The following FAM124A variants were observed in gnomAD, a reference collection of about 807,000 sequenced individuals.
The protein encoded by FAM124A is protein FAM124A.
A neutral mutation model predicts 24.5 loss-of-function variants in FAM124A; 23 were observed. That is an observed-to-expected ratio of 0.94 (90% CI 0.68 to 1.33). The LOEUF (loss-of-function observed/expected upper bound fraction) is 1.33, where lower values mean the gene tolerates loss of function less well. Among genes scored for constraint, FAM124A ranks in the 40% most tolerant of loss-of-function variants. FAM124A has a pLI of 0.00. For synonymous variants in FAM124A, 287 were observed against 314.7 expected (o/e 0.91, Z 0.93); for missense variants, 623 against 722.8 (o/e 0.86, Z 1.58).
chr13:51,264,045 G>C (rs959356820), intron 3 of FAM124A, among the ~76,000 whole-genome samples: 6 of 152,146 alleles, frequency 3.9e-5, no homozygotes, highest in Non-Finnish European at 8.8e-5. Flanking sequence ...ACTTTTTGAA[G>C]GTGCATAAAT....
intron 3 of FAM124A, among the ~76,000 whole-genome samples, chr13:51,256,155 T>A (rs911640159): frequency 6.6e-6 from 1 of 152,140 alleles, no homozygotes; most frequent in Non-Finnish European, 1.5e-5. Flanking sequence ...AGAAGTGACT[T>A]GGGGTCCCCT....
chr13:51,231,363 C>A lies in FAM124A; in HGVS notation c.84C>A (p.His28Gln), dbSNP rs200143031. 6.8e-6 allele frequency: 11 copies of A among 1,613,882 alleles called. No individual in the cohort carries two copies. Among genetic ancestry groups the A allele is most frequent in the Non-Finnish European group, 9.3e-6 (11 of 1,179,944 alleles). The change falls in exon 2 of 4, where the codon CAC becomes CAA. Residue 28 changes from histidine (H) to glutamine (Q), a missense_variant. Transcript: ENST00000322475. ...TGTGTTTCAGGTCCGACTACAGCCA[C>A]CTGTCCTCCACGAGCAGTAAGTATC... ...GAETGGSDYSHLSSTSSELSV... is the reference protein window; with the variant it reads ...GAETGGSDYSQLSSTSSELSV...
At chr13:51,279,385 G>T (rs573815675) in intron 3 of FAM124A, among the ~76,000 whole-genome samples, 70 of 152,310 alleles carry the variant, frequency 4.6e-4, no homozygotes, top group African/African-American at 1.6e-3. Flanking sequence ...GAGAGCCCTT[G>T]TAGTAAACCC....
At chr13:51,224,342 A>G (rs962231259) in intron 1 of FAM124A, among the ~76,000 whole-genome samples, 2 of 152,184 alleles carry the variant, frequency 1.3e-5, no homozygotes, top group Non-Finnish European at 2.9e-5. Flanking sequence ...GTGGTGGCGC[A>G]TGCCTGTAAT....
intron 3 of FAM124A, among the ~76,000 whole-genome samples, chr13:51,276,169 A>G (rs780910560): frequency 1.2e-4 from 18 of 152,178 alleles, no homozygotes; most frequent in Non-Finnish European, 2.2e-4. Context: ...GAGCTTGTTC[A>G]GGTTTGACTT....
intron 2 of FAM124A, among the ~76,000 whole-genome samples, chr13:51,234,643 C>T (rs1235097786): frequency 6.6e-6 from 1 of 152,070 alleles, no homozygotes; most frequent in Non-Finnish European, 1.5e-5. Flanking sequence ...CCAAGAAACT[C>T]CTCTACAAAG....
At chr13:51,279,913 T>A (rs999944835) in intron 3 of FAM124A, among the ~76,000 whole-genome samples, 1 of 152,190 alleles carries the variant, frequency 6.6e-6, no homozygotes, top group Non-Finnish European at 1.5e-5. Context: ...ACCCTAAGAC[T>A]GTGTCCTGGC....
intron 3 of FAM124A, among the ~76,000 whole-genome samples, chr13:51,271,443 A>G (rs749597902): frequency 2.0e-5 from 3 of 152,206 alleles, no homozygotes; most frequent in Non-Finnish European, 4.4e-5. Flanking sequence ...ATAAAAATAG[A>G]TGAGGGCCCC....
chr13:51,243,682 C>T (rs1234527104), intron 2 of FAM124A, among the ~76,000 whole-genome samples: 4 of 152,176 alleles, frequency 2.6e-5, no homozygotes, highest in African/African-American at 4.8e-5. Flanking sequence ...TACAGGCGCC[C>T]GCCACCACAC....
intron 2 of FAM124A, among the ~76,000 whole-genome samples, chr13:51,245,951 A>T (rs942319797): frequency 1.3e-5 from 2 of 152,248 alleles, no homozygotes; most frequent in Admixed American, 6.5e-5. Flanking sequence ...GCCCAGGCTA[A>T]TAGTACACTT....
chr13:51,241,076 G>A (rs1299858346), intron 2 of FAM124A, among the ~76,000 whole-genome samples: 1 of 152,204 alleles, frequency 6.6e-6, no homozygotes, highest in Non-Finnish European at 1.5e-5. Flanking sequence ...AGCCTTTTCT[G>A]TCTCCAAAAG....
At chr13:51,255,890 A>G (rs139683128) in intron 3 of FAM124A, among the ~76,000 whole-genome samples, 1 of 152,356 alleles carries the variant, frequency 6.6e-6, no homozygotes, top group African/African-American at 2.4e-5. Context: ...TGTTTCTCTC[A>G]GCCAGGCTTT....
intron 1 of FAM124A, among the ~76,000 whole-genome samples, chr13:51,223,514 G>T (rs533057820): frequency 6.6e-6 from 1 of 152,244 alleles, no homozygotes; most frequent in East Asian, 1.9e-4. Context: ...GAAGGTCGGA[G>T]AGGTTTTAGA....
chr13:51,261,695 G>A (rs966342775), intron 3 of FAM124A, among the ~76,000 whole-genome samples: 2 of 152,204 alleles, frequency 1.3e-5, no homozygotes, highest in African/African-American at 4.8e-5. Context: ...GGTCCGTTCA[G>A]GGTTCCGTTT....
At position 51,253,990 on chromosome 13, in the gene FAM124A, T is replaced by G. The variant is rs1954651928; in HGVS notation, c.834+1789T>G. 2.0e-5 allele frequency among the ~76,000 whole-genome samples: 3 copies of G among 152,220 alleles called. 1 individual carries two copies. The highest frequency in any genetic ancestry group is 2.0e-4 in the Admixed American group (3 of 15,286). The stretch of plus-strand genomic sequence containing the variant: ...AATGTCAAGCAGGTTCCTGTTCAGC[T>G]GCATCAGTGCAGATAGCTAGCATGA... On this transcript the variant is annotated intron_variant, in intron 3 of 3. Coordinates refer to ENST00000322475, the MANE Select transcript of FAM124A (RefSeq NM_001242312.2).
At chr13:51,245,252 T>A in intron 2 of FAM124A, 1 of 571,022 alleles carries the variant, frequency 1.8e-6, no homozygotes, top group Non-Finnish European at 3.2e-6. Flanking sequence ...GGACTAGGTG[T>A]GCCATTTGCA....
intron 2 of FAM124A, chr13:51,245,523 A>G (rs1342209628): frequency 4.5e-6 from 2 of 448,512 alleles, no homozygotes; most frequent in African/African-American, 2.0e-5. Context: ...CTTTGTTAGA[A>G]AAGAAATGAT....
chr13:51,232,248 TGA>T (rs1159331724), intron 2 of FAM124A, among the ~76,000 whole-genome samples: 1 of 152,150 alleles, frequency 6.6e-6, no homozygotes, highest in African/African-American at 2.4e-5. Flanking sequence ...TAGAAAGAAT[TGA>T]GAGTGATTAA....
intron 3 of FAM124A, among the ~76,000 whole-genome samples, chr13:51,278,654 G>A (rs986604871): frequency 3.3e-5 from 5 of 152,194 alleles, no homozygotes; most frequent in African/African-American, 7.2e-5. Flanking sequence ...CACTGTGCAC[G>A]TGGGCACCCT....
Sources: gnomAD v4.1 joint callset for allele counts (sites outside exome capture counted in the v4.1 genomes callset) on GRCh38, gnomAD v4.1.1 for gene constraint, MANE v1.5 for transcripts, NCBI Gene and HGNC (gene_info 2026-07-23, HGNC 2026-07-21) for gene names.